CAMK2D: variants seen among roughly 807,000 people sequenced by gnomAD.
CAMK2D encodes the protein calcium/calmodulin-dependent protein kinase type II subunit delta.
In CAMK2D, 37 loss-of-function variants were observed where a neutral mutation model predicts 84.0. The ratio of observed to expected loss-of-function variants is 0.44; its 90% CI spans 0.34 to 0.58. The LOEUF (loss-of-function observed/expected upper bound fraction) is 0.58. Ranked by LOEUF, CAMK2D falls within the 20% of genes least tolerant of loss-of-function variation. The probability of loss-of-function intolerance (pLI) is 0.02; values close to 1 mark genes in which losing one functional copy is unlikely to be tolerated. For synonymous variants in CAMK2D, 202 were observed against 212.5 expected (o/e 0.95, Z 0.43); for missense variants, 448 against 652.5 (o/e 0.69, Z 3.41).
intron 15 of CAMK2D, 68 bp from the exon 16 acceptor site, chr4:113,500,579 G>GC: frequency 9.6e-7 from 1 of 1,036,542 alleles, no homozygotes; most frequent in South Asian, 1.4e-5. Context: ...TTAAAAATTG[G>GC]CTAGTGACAT....
At chr4:113,736,332 T>C (rs2099581270) in intron 2 of CAMK2D, among the ~76,000 whole-genome samples, 1 of 152,156 alleles carries the variant, frequency 6.6e-6, no homozygotes, top group Non-Finnish European at 1.5e-5. Context: ...CAAAGAAACA[T>C]ATTAAACCCT....
chr4:113,556,824 G>A (rs991177986), intron 4 of CAMK2D, among the ~76,000 whole-genome samples: 1 of 152,136 alleles, frequency 6.6e-6, no homozygotes, highest in Admixed American at 6.5e-5. Flanking sequence ...TGGTGTAAGG[G>A]TCTGTCAGGC....
chr4:113,710,594 T>C (rs1406414709), intron 2 of CAMK2D, among the ~76,000 whole-genome samples: 1 of 152,188 alleles, frequency 6.6e-6, no homozygotes, highest in East Asian at 1.9e-4. Context: ...TTTAGATTGA[T>C]ATAGCAAAGC....
At chr4:113,756,493 A>T (rs2099628901) in intron 2 of CAMK2D, among the ~76,000 whole-genome samples, 1 of 152,038 alleles carries the variant, frequency 6.6e-6, no homozygotes, top group South Asian at 2.1e-4. Context: ...CCTTAGAAAA[A>T]ACAAGCATAC....
chr4:113,734,515 A>ATAGAAGG (rs1372041258), intron 2 of CAMK2D, among the ~76,000 whole-genome samples: 2 of 152,184 alleles, frequency 1.3e-5, no homozygotes, highest in African/African-American at 4.8e-5. Context: ...ATTTTTCCAA[A>ATAGAAGG]TAGAAGGCAT....
At chr4:113,714,528 G>C (rs945842914) in intron 2 of CAMK2D, among the ~76,000 whole-genome samples, 1 of 152,078 alleles carries the variant, frequency 6.6e-6, no homozygotes, top group African/African-American at 2.4e-5. Context: ...AGGTGCAAGA[G>C]ATGCACTCTG....
In CAMK2D at chr4:113,759,376, G is replaced by A. The variant is rs770775266; in HGVS notation, c.104C>T (p.Pro35Leu). Residue 35 changes from proline to leucine, a missense_variant, in exon 2 of 21, where the codon CCT becomes CTT. Physicochemically the swap from Pro to Leu is moderately conservative, Grantham distance 98 (BLOSUM62 -3). Coordinates refer to ENST00000511664, the MANE Select transcript of CAMK2D (RefSeq NM_001321571.2). ...TTTGGCAGCATATTCTTGTCCAGTA[G>A]GAATTTTCATACATCTTCTCACCAC... ...FSVVRRCMKI[P>L]TGQEYAAKII... The A allele has an allele frequency of 6.8e-6, 11 of 1,607,524 alleles. No individual in the cohort carries two copies. The highest frequency in any genetic ancestry group is 1.1e-5 in the South Asian group (1 of 89,634).
At chr4:113,606,529 A>G (rs2098978351) in intron 4 of CAMK2D, among the ~76,000 whole-genome samples, 1 of 151,768 alleles carries the variant, frequency 6.6e-6, no homozygotes, top group African/African-American at 2.4e-5. Flanking sequence ...AAAGAATTAG[A>G]CAATCAGACT....
chr4:113,664,811 T>G (rs1363719772), intron 2 of CAMK2D, among the ~76,000 whole-genome samples: 1 of 151,898 alleles, frequency 6.6e-6, no homozygotes, highest in Non-Finnish European at 1.5e-5. Flanking sequence ...GTAGATTTTT[T>G]TTTTTTTTTG....
chr4:113,695,265 C>CAGCT lies in CAMK2D; in HGVS notation c.161-33494_161-33493insAGCT, dbSNP rs70961843. ...TAAACTAAGGGGGGAAAAGGAATGA[C>CAGCT]AGAAGAAATTTTGAAATAATTTCCT... On this transcript the variant is annotated intron_variant, in intron 2 of 20. Coordinates refer to ENST00000511664, the MANE Select transcript of CAMK2D (RefSeq NM_001321571.2). Among the ~76,000 whole-genome samples, 1,447 of 151,570 alleles carry CAGCT rather than the reference C, an allele frequency of 9.5e-3. 15 individuals are homozygous for CAGCT. The highest frequency in any genetic ancestry group is 0.033 in the African/African-American group (1,366 of 41,332).
intron 2 of CAMK2D, among the ~76,000 whole-genome samples, chr4:113,702,682 G>A (rs1435497733): frequency 2.0e-5 from 3 of 152,176 alleles, no homozygotes; most frequent in Non-Finnish European, 2.9e-5. Flanking sequence ...GCTGAGGCAG[G>A]TGGATTACTT....
At chr4:113,713,237 T>C (rs189430659) in intron 2 of CAMK2D, among the ~76,000 whole-genome samples, 10 of 151,930 alleles carry the variant, frequency 6.6e-5, no homozygotes, top group Admixed American at 4.6e-4. Context: ...TTTCCTTACA[T>C]TGTAAACTAG....
intron 4 of CAMK2D, among the ~76,000 whole-genome samples, chr4:113,587,228 A>G (rs1420168911): frequency 6.6e-6 from 1 of 152,204 alleles, no homozygotes; most frequent in Non-Finnish European, 1.5e-5. Context: ...CAATGAGACA[A>G]TGTGTATATG....
At chr4:113,585,198 T>C (rs930832826) in intron 4 of CAMK2D, among the ~76,000 whole-genome samples, 2 of 152,192 alleles carry the variant, frequency 1.3e-5, no homozygotes, top group Admixed American at 6.5e-5. Flanking sequence ...AAATTATCTA[T>C]AGGTAAAATA....
rs750608072 is a variant in CAMK2D, at chr4:113,465,564, G to C, written c.1176C>G (p.Ile392Met). The C allele has an allele frequency of 3.7e-6, 6 of 1,612,820 alleles. No homozygotes were observed. The African/African-American group carries it at 8.0e-5, about 22-fold the overall frequency. Residue 392 changes from isoleucine to methionine, a missense_variant, in exon 17 of 21, where the codon ATC becomes ATG. Ile to Met is a conservative substitution (Grantham distance 10). Around this residue, in one of 7 missense-constraint regions of CAMK2D, gnomAD observed 219 missense variants for 272.1 expected, o/e 0.80. Transcript: ENST00000511664. ...CAAAGTCCCCATTGTTGATAGCTTC[G>C]ATCAGTTGTTCAGTGACTTTGATAA... ...QEIIKVTEQL[I>M]EAINNGDFEA... is the part of the protein sequence containing the mutation.
chr4:113,730,850 T>C (rs1023545218), intron 2 of CAMK2D, among the ~76,000 whole-genome samples: 1 of 152,242 alleles, frequency 6.6e-6, no homozygotes, highest in Non-Finnish European at 1.5e-5. Flanking sequence ...TATTTTTATA[T>C]CACCTGTGCA....
intron 4 of CAMK2D, among the ~76,000 whole-genome samples, chr4:113,572,459 A>C (rs1381565446): frequency 6.6e-6 from 1 of 152,076 alleles, no homozygotes; most frequent in Admixed American, 6.5e-5. Flanking sequence ...AAAAAAAAAA[A>C]CCAAACACAA....
intron 3 of CAMK2D, among the ~76,000 whole-genome samples, chr4:113,621,290 C>G (rs1235665239): frequency 6.6e-6 from 1 of 151,464 alleles, no homozygotes; most frequent in Non-Finnish European, 1.5e-5. Context: ...AGTTTTCTTC[C>G]TAGTTCTTAT....
chr4:113,737,423 G>A (rs2099583708), intron 2 of CAMK2D, among the ~76,000 whole-genome samples: 1 of 152,088 alleles, frequency 6.6e-6, no homozygotes. Flanking sequence ...ACCTACATGA[G>A]GTACCCAGAG....
Sources: gnomAD v4.1 joint callset for allele counts (sites outside exome capture counted in the v4.1 genomes callset) on GRCh38, gnomAD v4.1.1 for gene constraint, gnomAD v4.1.1 regional missense constraint, MANE v1.5 for transcripts, NCBI Gene and HGNC (gene_info 2026-07-23, HGNC 2026-07-21) for gene names.